Variants in DAB1 observed in about 807,000 individuals in gnomAD.
The protein encoded by DAB1 is DAB adaptor protein 1.
In DAB1, 15 loss-of-function variants were observed where a neutral mutation model predicts 64.6. The ratio of observed to expected loss-of-function variants is 0.23; its 90% CI spans 0.16 to 0.36. DAB1 has a LOEUF of 0.36. Among genes scored for constraint, DAB1 ranks in the 10% least tolerant of loss-of-function variants. The probability of loss-of-function intolerance (pLI) is 1.00; values close to 1 mark genes in which losing one functional copy is unlikely to be tolerated. For synonymous variants in DAB1, 235 were observed against 251.9 expected, an observed-to-expected ratio of 0.93 and a Z score of 0.64; for missense variants, 596 against 706.7, an observed-to-expected ratio of 0.84 and a Z score of 1.78.
chr1:58,412,817 C>T (rs1269905308), intron 3 of DAB1, among the ~76,000 whole-genome samples: 2 of 152,202 alleles, frequency 1.3e-5, no homozygotes, highest in Admixed American at 6.5e-5. Flanking sequence ...TTGGAAAAGC[C>T]ACTTATCTCC....
Position 58,331,317 on chromosome 1 carries a change from T to C in DAB1, n.309+12035A>G, listed in dbSNP as rs531088757. Among the ~76,000 whole-genome samples, 134 of 152,336 alleles carry C rather than the reference T, an allele frequency of 8.8e-4. No homozygotes were observed. In the South Asian group the frequency reaches 0.011, roughly 12 times the overall value. On this transcript the variant is annotated intron_variant and non_coding_transcript_variant, in intron 4 of 20. Transcript: ENST00000485760. ...AAACTTTAAGGAATGAAGAATTGCT[T>C]CTTGTGGTTTCTTGAGACGGAAAGT...
intron 5 of DAB1, among the ~76,000 whole-genome samples, chr1:57,950,124 C>G (rs1157684169): frequency 6.6e-6 from 1 of 152,096 alleles, no homozygotes; most frequent in African/African-American, 2.4e-5. Context: ...TTAAAGCATC[C>G]CCATTCAGTG....
chr1:58,059,119 G>C (rs1395095438), intron 5 of DAB1, among the ~76,000 whole-genome samples: 1 of 152,186 alleles, frequency 6.6e-6, no homozygotes, highest in Non-Finnish European at 1.5e-5. Context: ...CTCCCTTACT[G>C]TGTCCTGCCT....
chr1:58,332,440 A>G (rs1662991945), intron 4 of DAB1, among the ~76,000 whole-genome samples: 1 of 152,218 alleles, frequency 6.6e-6, no homozygotes, highest in African/African-American at 2.4e-5. Context: ...GACCACTGCA[A>G]TAAAGCAAGT....
rs1655830677 is a variant in DAB1, at chr1:58,166,349, C to G, written n.310-15761G>C. Reference sequence around the variant, plus strand: ...TCCCACGCTAAGCTCCAGGCAACCACTAATCTACCTTCTGTCTCTATAGAC... The same window carrying G: ...TCCCACGCTAAGCTCCAGGCAACCAGTAATCTACCTTCTGTCTCTATAGAC... On this transcript the variant is annotated intron_variant and non_coding_transcript_variant, in intron 4 of 20. Transcript: ENST00000485760. Among the ~76,000 whole-genome samples, 5 of 152,172 alleles carry G rather than the reference C, an allele frequency of 3.3e-5. No homozygotes were observed. The South Asian group carries it at 1.0e-3, about 32-fold the overall frequency.
intron 6 of DAB1, among the ~76,000 whole-genome samples, chr1:57,787,103 G>A (rs1290746136): frequency 6.6e-6 from 1 of 152,028 alleles, no homozygotes; most frequent in African/African-American, 2.4e-5. Context: ...TTGATCTATA[G>A]TTTCAACACA....
chr1:58,539,515 G>A (rs12139475), intron 1 of DAB1, among the ~76,000 whole-genome samples: 28,479 of 151,984 alleles, frequency 0.19, 2,786 homozygotes, highest in African/African-American at 0.23. Flanking sequence ...ACTATGCAAC[G>A]TTTACTTTAG....
chr1:58,429,867 T>A (rs1040873867), intron 3 of DAB1, among the ~76,000 whole-genome samples: 2 of 132,640 alleles, frequency 1.5e-5, no homozygotes, highest in East Asian at 3.9e-4. Context: ...AAATTTATTT[T>A]GCAAAGTTCT....
At chr1:57,662,586 G>A (rs1334765300) in intron 6 of DAB1, among the ~76,000 whole-genome samples, 1 of 152,198 alleles carries the variant, frequency 6.6e-6, no homozygotes, top group African/African-American at 2.4e-5. Context: ...AAGCATTATG[G>A]GAGCACAGGG....
At chr1:57,187,283 T>C (rs527583343) in intron 2 of DAB1, among the ~76,000 whole-genome samples, 21 of 152,360 alleles carry the variant, frequency 1.4e-4, no homozygotes, top group African/African-American at 5.0e-4. Flanking sequence ...TGCATGATTT[T>C]TTCTATTACC....
intron 7 of DAB1, among the ~76,000 whole-genome samples, chr1:57,640,923 C>T (rs965920442): frequency 1.2e-4 from 19 of 152,106 alleles, no homozygotes; most frequent in Admixed American, 3.3e-4. Flanking sequence ...ACATGCTTGG[C>T]TTAAATGAAG....
chr1:58,438,968 G>A (rs1348274516), intron 3 of DAB1, among the ~76,000 whole-genome samples: 3 of 152,136 alleles, frequency 2.0e-5, no homozygotes, highest in Non-Finnish European at 4.4e-5. Flanking sequence ...GAGGCAGTGT[G>A]ACGTAGGGAG....
chr1:57,658,883 A>T (rs939185565), intron 6 of DAB1, among the ~76,000 whole-genome samples: 48 of 152,044 alleles, frequency 3.2e-4, no homozygotes, highest in Admixed American at 1.4e-3. Context: ...TTTGCTCTTA[A>T]TATTGGTAGA....
At chr1:58,035,117 G>A (rs1425707490) in intron 5 of DAB1, among the ~76,000 whole-genome samples, 1 of 152,134 alleles carries the variant, frequency 6.6e-6, no homozygotes, top group Non-Finnish European at 1.5e-5. Flanking sequence ...AGAGAAACGG[G>A]CTGCTGGAGG....
At chr1:57,992,979 A>C (rs1646369107) in intron 5 of DAB1, among the ~76,000 whole-genome samples, 1 of 152,150 alleles carries the variant, frequency 6.6e-6, no homozygotes, top group Non-Finnish European at 1.5e-5. Context: ...AACTCCGCAC[A>C]GCTATGTAAA....
intron 4 of DAB1, among the ~76,000 whole-genome samples, chr1:58,261,180 A>G (rs1661039655): frequency 6.6e-6 from 1 of 152,198 alleles, no homozygotes; most frequent in South Asian, 2.1e-4. Flanking sequence ...CTCAAGTCCT[A>G]TGTCTTTAAA....
chr1:58,506,487 C>T (rs950346420), intron 2 of DAB1, among the ~76,000 whole-genome samples: 2 of 151,988 alleles, frequency 1.3e-5, no homozygotes, highest in South Asian at 2.1e-4. Flanking sequence ...GTAGAACATG[C>T]CCATTGCTTA....
chr1:57,109,156 G>C (rs1217315568), intron 4 of DAB1, among the ~76,000 whole-genome samples: 1 of 152,094 alleles, frequency 6.6e-6, no homozygotes, highest in Non-Finnish European at 1.5e-5. Context: ...CTGCTTCTAG[G>C]GGGCCTCTTT....
At chr1:58,185,553 GGTTTTGTTTT>G (rs377555169) in intron 4 of DAB1, among the ~76,000 whole-genome samples, 9 of 152,014 alleles carry the variant, frequency 5.9e-5, no homozygotes, top group Non-Finnish European at 8.8e-5. Flanking sequence ...GCCTACCATA[GGTTTTGTTTT>G]GTTTTGTTTT....
Sources: gnomAD v4.1 joint callset for allele counts (sites outside exome capture counted in the v4.1 genomes callset) on GRCh38, gnomAD v4.1.1 for gene constraint, MANE v1.5 for transcripts, NCBI Gene and HGNC (gene_info 2026-07-23, HGNC 2026-07-21) for gene names.